Variants in PGBD5 observed in about 807,000 individuals in gnomAD.
PGBD5 encodes the protein piggyBac transposable element derived 5.
PGBD5 carries 14 observed loss-of-function variants against 47.9 expected under a neutral mutation model. The ratio of observed to expected loss-of-function variants is 0.29; its 90% CI spans 0.19 to 0.46. The LOEUF is 0.46. Ranked by LOEUF, PGBD5 falls within the 20% of genes least tolerant of loss-of-function variation. PGBD5 has a pLI of 1.00. For missense variants in PGBD5, 635 were observed against 716.0 expected (o/e 0.89, Z 1.29); for synonymous variants, 316 against 306.3 (o/e 1.03, Z -0.33).
At chr1:230,413,421 G>A (rs1464141241) in intron 1 of PGBD5, among the ~76,000 whole-genome samples, 1 of 152,016 alleles carries the variant, frequency 6.6e-6, no homozygotes, top group Non-Finnish European at 1.5e-5. Context: ...GATTGCTTGG[G>A]CCTGGGAAGT....
In PGBD5 at chr1:230,377,591, C is replaced by T. The variant is rs150611181; in HGVS notation, c.332-20270G>A. On this transcript the variant is annotated intron_variant, in intron 1 of 6. Coordinates refer to ENST00000391860, the MANE Select transcript of PGBD5 (RefSeq NM_001258311.2). ...GCAGAGTCCCCGAGAGTACTTTGCA[C>T]GAAGAGAGCTCGAGTTCTGTAGTCA... The T allele has an allele frequency of 1.6e-4, 248 of 1,584,398 alleles. No individual in the cohort carries two copies. The East Asian group carries it at 2.5e-3, about 16-fold the overall frequency.
At chr1:230,410,386 A>G (rs371023736) in intron 1 of PGBD5, among the ~76,000 whole-genome samples, 2 of 152,226 alleles carry the variant, frequency 1.3e-5, no homozygotes, top group Non-Finnish European at 2.9e-5. Context: ...ATAAGAATAT[A>G]TATTTTTTCT....
Position 230,357,949 on chromosome 1 carries a change from C to CA in PGBD5, c.332-629dup, listed in dbSNP as rs1667681374. Among the ~76,000 whole-genome samples, 2 of 152,036 alleles carry CA rather than the reference C, an allele frequency of 1.3e-5. No individual in the cohort carries two copies. Among genetic ancestry groups the CA allele is most frequent in the Non-Finnish European group, 2.9e-5 (2 of 68,014 alleles). On this transcript the variant is annotated intron_variant, in intron 1 of 6. Coordinates refer to ENST00000391860, the MANE Select transcript of PGBD5 (RefSeq NM_001258311.2). This position sits in a 1 kb window ranked among gnomAD's most constrained non-coding sequence, Gnocchi z 5.7. ...ATGCATATACATACATATATATACA[C>CA]ATGCATATATACACATACATACACA...
At chr1:230,400,981 G>C (rs1047259899) in intron 1 of PGBD5, among the ~76,000 whole-genome samples, 9 of 152,234 alleles carry the variant, frequency 5.9e-5, no homozygotes, top group African/African-American at 2.2e-4. Context: ...TTCTGACCTA[G>C]ATACTAAAGC....
At chr1:230,346,027 G>A (rs1667468650) in intron 3 of PGBD5, among the ~76,000 whole-genome samples, 1 of 152,058 alleles carries the variant, frequency 6.6e-6, no homozygotes, top group South Asian at 2.1e-4. Context: ...AGCTTTAAAT[G>A]CATTTTTGAC....
chr1:230,348,064 G>A (rs900608097), intron 3 of PGBD5, among the ~76,000 whole-genome samples: 1 of 152,170 alleles, frequency 6.6e-6, no homozygotes, highest in East Asian at 1.9e-4. Flanking sequence ...CTACGCTAAC[G>A]AGCGGCACAG....
At chr1:230,370,475 G>C (rs1291660403) in intron 1 of PGBD5, among the ~76,000 whole-genome samples, 1 of 152,154 alleles carries the variant, frequency 6.6e-6, no homozygotes, top group Non-Finnish European at 1.5e-5. Context: ...CATGCATATG[G>C]CTGTACGTGT....
chr1:230,379,862 T>C (rs1348917771), intron 1 of PGBD5, among the ~76,000 whole-genome samples: 2 of 152,258 alleles, frequency 1.3e-5, no homozygotes, highest in African/African-American at 4.8e-5. Context: ...AATCTTATCA[T>C]CATCCCCATT....
intron 1 of PGBD5, among the ~76,000 whole-genome samples, chr1:230,409,163 A>G (rs908380374): frequency 6.6e-6 from 1 of 152,214 alleles, no homozygotes; most frequent in Non-Finnish European, 1.5e-5. Flanking sequence ...ATGAGCTTCC[A>G]CTTCACACCT....
At chr1:230,422,837 C>T (rs1478488677) in intron 1 of PGBD5, among the ~76,000 whole-genome samples, 1 of 152,072 alleles carries the variant, frequency 6.6e-6, no homozygotes, top group African/African-American at 2.4e-5. Flanking sequence ...GGCACGGGAA[C>T]TAGCACTGCT....
chr1:230,424,711 C>T (rs541486818), intron 1 of PGBD5, among the ~76,000 whole-genome samples: 12 of 152,354 alleles, frequency 7.9e-5, no homozygotes, highest in Middle Eastern at 6.8e-3. Context: ...GGAGCACGGG[C>T]CTGCTACAGA....
In PGBD5 at chr1:230,380,793, T is replaced by TG. The variant is rs1449427103; in HGVS notation, c.332-23473dup. On this transcript the variant is annotated intron_variant, in intron 1 of 6. Coordinates refer to ENST00000391860, the MANE Select transcript of PGBD5 (RefSeq NM_001258311.2). ...GTGTCTTGGGCTCAATCACAGCTTG[T>TG]GCAGGGCTCTGTCCACCAAAAGGCT... 2.0e-5 allele frequency among the ~76,000 whole-genome samples: 3 copies of TG among 152,200 alleles called. No individual in the cohort carries two copies. The East Asian group carries it at 5.8e-4, about 29-fold the overall frequency.
At chr1:230,356,250 C>G (rs1465010803) in intron 2 of PGBD5, among the ~76,000 whole-genome samples, 3 of 152,160 alleles carry the variant, frequency 2.0e-5, no homozygotes, top group African/African-American at 7.2e-5. Flanking sequence ...AGTTCTATCT[C>G]CCCAGGGCCA....
intron 5 of PGBD5, among the ~76,000 whole-genome samples, chr1:230,331,736 G>A (rs1436925476): frequency 1.3e-5 from 2 of 150,626 alleles, no homozygotes; most frequent in Admixed American, 6.6e-5. Context: ...CTCAAGCAAT[G>A]TCCTGCCACA....
chr1:230,337,461 C>T (rs1468372482), intron 3 of PGBD5, among the ~76,000 whole-genome samples, 173 bp from the exon 4 acceptor site: 5 of 152,234 alleles, frequency 3.3e-5, no homozygotes, highest in African/African-American at 7.2e-5. Context: ...AAGCACACCC[C>T]GTGGCCTTGG....
rs371692249 is a variant in PGBD5 at position 230,400,152 on chromosome 1, C to T, written c.331+25446G>A. 1.9e-4 allele frequency among the ~76,000 whole-genome samples: 29 copies of T among 152,346 alleles called. No individual in the cohort carries two copies. The East Asian group carries it at 3.1e-3, about 16-fold the overall frequency. On this transcript the variant is annotated intron_variant, in intron 1 of 6. Coordinates refer to ENST00000391860, the MANE Select transcript of PGBD5 (RefSeq NM_001258311.2). ...GCCTTCCTCCTTCCTCCGCGCCTCG[C>T]CCACCAGGCACACTCCTGCCTCGGG... is the stretch of plus-strand genomic sequence containing the variant.
intron 1 of PGBD5, among the ~76,000 whole-genome samples, chr1:230,399,158 A>T (rs968533390): frequency 6.6e-6 from 1 of 152,112 alleles, no homozygotes; most frequent in African/African-American, 2.4e-5. Flanking sequence ...AGCTAGCGCT[A>T]TTTGGATTTC....
intron 3 of PGBD5, 53 bp downstream of exon 3, chr1:230,350,905 T>C: frequency 6.3e-7 from 1 of 1,592,644 alleles, no homozygotes; most frequent in Non-Finnish European, 8.5e-7. Context: ...TCGCCCGGAT[T>C]TTCTTCCCCG....
intron 1 of PGBD5, among the ~76,000 whole-genome samples, chr1:230,376,462 G>C (rs147278144): frequency 3.4e-4 from 51 of 152,238 alleles, no homozygotes; most frequent in African/African-American, 1.2e-3. Flanking sequence ...GTGGATTCTG[G>C]CACCAACAGC....
Sources: allele counts gnomAD v4.1 joint callset (sites outside exome capture counted in the v4.1 genomes callset), GRCh38; gene constraint gnomAD v4.1.1; non-coding constraint Gnocchi (gnomAD v3.1); transcripts MANE v1.5; gene names NCBI Gene and HGNC (gene_info 2026-07-23, HGNC 2026-07-21).